The following RABGAP1 variants were observed in gnomAD, a reference collection of about 807,000 sequenced individuals.
The protein encoded by RABGAP1 is RAB GTPase activating protein 1, also known as rab GTPase-activating protein 1.
A neutral mutation model predicts 137.6 loss-of-function variants in RABGAP1; 23 were observed. That is an observed-to-expected ratio of 0.17 (90% CI 0.12 to 0.24). The LOEUF (loss-of-function observed/expected upper bound fraction) is 0.24. RABGAP1 is among the 10% of genes least tolerant of loss of function. The pLI, the probability that RABGAP1 is intolerant of heterozygous loss-of-function variation, is 1.00. For synonymous variants in RABGAP1, 451 were observed against 450.7 expected (o/e 1.00, Z -0.01); for missense variants, 906 against 1,275.8 (o/e 0.71, Z 4.42).
rs139449049 is a variant in RABGAP1 at position 122,973,393 on chromosome 9, T to C, written c.151-11092T>C. Among the ~76,000 whole-genome samples the C allele has an allele frequency of 2.4e-3, 369 of 152,084 alleles. 6 individuals are homozygous for C. In the East Asian group the frequency reaches 0.034, roughly 14 times the overall value. On this transcript the variant is annotated intron_variant, in intron 2 of 25. Coordinates refer to ENST00000373647, the MANE Select transcript of RABGAP1 (RefSeq NM_012197.4). ...CTGGGACTACAGGCGCCCACCACCA[T>C]GCCCGGCTAATTTTTTGTATTTTTA...
chr9:122,956,194 TCTTG>T (rs1444167597), intron 1 of RABGAP1, among the ~76,000 whole-genome samples: 1 of 152,198 alleles, frequency 6.6e-6, no homozygotes, highest in Non-Finnish European at 1.5e-5. Context: ...ACTTCTCCTT[TCTTG>T]CTTTGTAAGG....
intron 13 of RABGAP1, among the ~76,000 whole-genome samples, chr9:123,026,998 C>T (rs774286776): frequency 1.3e-5 from 2 of 152,094 alleles, no homozygotes; most frequent in Non-Finnish European, 2.9e-5. Flanking sequence ...TTATCTGCAT[C>T]ATTTTCTCTA....
At chr9:122,934,755 C>T in the RABGAP1 span, among the ~76,000 whole-genome samples, 1 of 152,118 alleles carries the variant, frequency 6.6e-6, no homozygotes, top group Non-Finnish European at 1.5e-5. Context: ...AGTCTTGGCT[C>T]ACCGCAGTCT....
intron 10 of RABGAP1, among the ~76,000 whole-genome samples, chr9:123,002,279 C>G (rs1407482437): frequency 6.9e-6 from 1 of 144,320 alleles, no homozygotes; most frequent in Non-Finnish European, 1.5e-5. Context: ...CCAGCCTGGG[C>G]AACAAGAGCA....
chr9:123,071,732 CT>C (rs1327305959), intron 15 of RABGAP1, among the ~76,000 whole-genome samples: 4 of 152,102 alleles, frequency 2.6e-5, no homozygotes, highest in African/African-American at 9.7e-5. Flanking sequence ...ATATCATTTT[CT>C]TTTGCTCTTT....
At chr9:123,028,774 G>T (rs2032130871) in intron 13 of RABGAP1, among the ~76,000 whole-genome samples, 1 of 152,168 alleles carries the variant, frequency 6.6e-6, no homozygotes, top group African/African-American at 2.4e-5. Context: ...AAGGCAAATT[G>T]TCTTAATTCA....
At chr9:122,931,714 A>G in the RABGAP1 span, among the ~76,000 whole-genome samples, 2 of 152,166 alleles carry the variant, frequency 1.3e-5, no homozygotes, top group South Asian at 2.1e-4. Context: ...TTCACTGCCT[A>G]CTACCCCGAG....
At position 122,949,693 on chromosome 9, in the gene RABGAP1, C is replaced by CAAAA. The variant is rs60115483; in HGVS notation, c.-49-7303_-49-7300dup. On this transcript the variant is annotated intron_variant, in intron 1 of 25. Transcript: ENST00000373647. Reference sequence around the variant, plus strand: ...TGGGTGACAAAGCAAGACTCTGTCTCAAAAAAAAAAAAAAAAAAGGAAAAA... The same window carrying CAAAA: ...TGGGTGACAAAGCAAGACTCTGTCTCAAAAAAAAAAAAAAAAAAAAAAGGAAAAA... Among the ~76,000 whole-genome samples the CAAAA allele has an allele frequency of 1.1e-3, 58 of 54,740 alleles. 1 individual carries two copies. Among genetic ancestry groups the CAAAA allele is most frequent in the African/African-American group, 3.2e-3 (56 of 17,544 alleles). The allele number at this position is 54,740 out of a possible 152,430, so 35.9% of individuals were successfully genotyped here. A position where few individuals can be genotyped will look rare whatever the true frequency, so the allele number is the denominator to read the frequency against.
At chr9:123,021,862 T>C (rs2031660379) in intron 13 of RABGAP1, among the ~76,000 whole-genome samples, 1 of 152,214 alleles carries the variant, frequency 6.6e-6, no homozygotes, top group South Asian at 2.1e-4. Context: ...AGCTGTCTTA[T>C]GATAGAATGT....
intron 10 of RABGAP1, among the ~76,000 whole-genome samples, chr9:123,006,681 C>T (rs2030303225): frequency 1.3e-5 from 2 of 152,188 alleles, no homozygotes; most frequent in African/African-American, 4.8e-5. Flanking sequence ...GATCTTGGCT[C>T]ACTGCAGCCT....
intron 6 of RABGAP1, chr9:122,990,865 G>C (rs1836687953): frequency 9.0e-6 from 1 of 111,484 alleles, no homozygotes; most frequent in Non-Finnish European, 1.7e-5. Flanking sequence ...TGGATTTGTA[G>C]CTATATTTGT....
intron 13 of RABGAP1, among the ~76,000 whole-genome samples, chr9:123,056,334 G>A (rs1343182036): frequency 6.6e-6 from 1 of 152,154 alleles, no homozygotes; most frequent in African/African-American, 2.4e-5. Context: ...AGGAGCATAG[G>A]ACAAGTATAC....
intron 1 of RABGAP1, among the ~76,000 whole-genome samples, chr9:122,950,730 A>G (rs905934303): frequency 1.3e-5 from 2 of 152,210 alleles, no homozygotes; most frequent in African/African-American, 4.8e-5. Context: ...ATAGAAGAAA[A>G]AGAAAATATA....
chr9:122,983,775 G>A (rs984665834), intron 2 of RABGAP1, among the ~76,000 whole-genome samples: 1 of 152,104 alleles, frequency 6.6e-6, no homozygotes, highest in African/African-American at 2.4e-5. Context: ...TATGTCACTT[G>A]TGGTTTTCCT....
intron 19 of RABGAP1, among the ~76,000 whole-genome samples, chr9:123,088,414 A>C (rs766794304): frequency 6.6e-6 from 1 of 152,052 alleles, no homozygotes; most frequent in Non-Finnish European, 1.5e-5. Flanking sequence ...ATATCTCATA[A>C]CTTTTGAACA....
Position 123,070,304 on chromosome 9 carries a change from AG to A in RABGAP1, c.1909-45del. On this transcript the variant is annotated intron_variant, in intron 14 of 25. Transcript: ENST00000373647. This position sits in a 1 kb window ranked among gnomAD's most constrained non-coding sequence, Gnocchi z 4.4. ...TCCTATAGTGCCACCATGGCCCACA[AG>A]TGGCTACATTCATTTACATTTCCTC... 6.2e-7 allele frequency: 1 copy of A among 1,612,344 alleles called. No individual in the cohort carries two copies. Among genetic ancestry groups the A allele is most frequent in the Non-Finnish European group, 8.5e-7 (1 of 1,179,200 alleles).
At chr9:122,955,937 T>C (rs986652787) in intron 1 of RABGAP1, among the ~76,000 whole-genome samples, 20 of 152,362 alleles carry the variant, frequency 1.3e-4, no homozygotes, top group African/African-American at 4.6e-4. Context: ...TATAACGTTA[T>C]ATCGTTTTGT....
rs1564173125 is a variant in RABGAP1, at chr9:123,066,111, CCTAT to C, written c.1908+651_1908+654del. ...GTAATCAAGTACTTATTTAGCATCT[CCTAT>C]GTAGTAAGTACAGGTAAGGCATGAG... is the stretch of plus-strand genomic sequence containing the variant. On this transcript the variant is annotated intron_variant, in intron 14 of 25. Coordinates refer to ENST00000373647, the MANE Select transcript of RABGAP1 (RefSeq NM_012197.4). 3.9e-5 allele frequency among the ~76,000 whole-genome samples: 6 copies of C among 152,128 alleles called. No individual in the cohort carries two copies. In the South Asian group the frequency reaches 1.2e-3, roughly 31 times the overall value.
At position 123,007,319 on chromosome 9, in the gene RABGAP1, CT is replaced by C. The variant is rs570725839; in HGVS notation, c.1375-3033del. Among the ~76,000 whole-genome samples, 263 of 150,026 alleles carry C rather than the reference CT, an allele frequency of 1.8e-3. 1 individual carries two copies. The highest frequency in any genetic ancestry group is 4.0e-3 in the Admixed American group (60 of 15,080). On this transcript the variant is annotated intron_variant, in intron 10 of 25. Transcript: ENST00000373647. ...TGAACTCCTGGCCTCAAGTAATCTA[CT>C]TGCCTAGGCCTCCCAAATTGCTGGG...
Sources: allele counts gnomAD v4.1 joint callset (sites outside exome capture counted in the v4.1 genomes callset), GRCh38; gene constraint gnomAD v4.1.1; non-coding constraint Gnocchi (gnomAD v3.1); transcripts MANE v1.5; gene names NCBI Gene and HGNC (gene_info 2026-07-23, HGNC 2026-07-21).